Variants in SH2D7 observed in about 807,000 individuals in gnomAD.
The protein encoded by SH2D7 is SH2 domain containing 7.
A neutral mutation model predicts 40.8 loss-of-function variants in SH2D7; 32 were observed. The ratio of observed to expected loss-of-function variants is 0.78; its 90% CI spans 0.59 to 1.05. SH2D7 has a LOEUF of 1.05. Ranked by LOEUF, SH2D7 falls within the 50% of genes least tolerant of loss-of-function variation. The pLI, the probability that SH2D7 is intolerant of heterozygous loss-of-function variation, is 0.00. For synonymous variants in SH2D7, 195 were observed against 221.5 expected (o/e 0.88, Z 1.06); for missense variants, 559 against 566.6 (o/e 0.99, Z 0.14).
intron 3 of SH2D7, 37 bp from the exon 4 acceptor site, chr15:78,098,347 G>C (rs1567044013): frequency 8.7e-6 from 14 of 1,606,962 alleles, no homozygotes; most frequent in Non-Finnish European, 1.2e-5. Flanking sequence ...GGCTGGGCAT[G>C]TGTGACCACA....
intron 2 of SH2D7, among the ~76,000 whole-genome samples, chr15:78,097,001 G>A (rs1431244074): frequency 6.6e-6 from 1 of 152,052 alleles, no homozygotes; most frequent in African/African-American, 2.4e-5. Context: ...TCTATCATCA[G>A]AATAGGTACA....
intron 2 of SH2D7, among the ~76,000 whole-genome samples, chr15:78,097,197 G>T (rs919456107): frequency 5.9e-5 from 9 of 152,226 alleles, no homozygotes; most frequent in Non-Finnish European, 1.2e-4. Flanking sequence ...CGGAATGGTG[G>T]CTACCTTTAG....
chr15:78,098,451 A>G lies in SH2D7; in HGVS notation c.500A>G (p.Asn167Ser). The change falls in exon 4 of 6, where the codon AAC becomes AGC. Residue 167 changes from asparagine to serine, a missense_variant. Physicochemically the swap from Asn to Ser is conservative, Grantham distance 46 (BLOSUM62 1). Coordinates refer to ENST00000328828, the MANE Select transcript of SH2D7 (RefSeq NM_001101404.2). ...GLHQTIVDPE[N>S]PPATAFLTVV... is the part of the protein sequence containing the mutation. ...CACCAGACCATCGTGGACCCAGAAA[A>G]CCCACCTGCCACGGCATTCCTCACA... is the stretch of plus-strand genomic sequence containing the variant. 6.2e-7 allele frequency: 1 copy of G among 1,613,234 alleles called. No homozygotes were observed. Among genetic ancestry groups the G allele is most frequent in the Non-Finnish European group, 8.5e-7 (1 of 1,179,724 alleles).
At position 78,097,966 on chromosome 15, in the gene SH2D7, C is replaced by G. The variant is rs139782686; in HGVS notation, c.304C>G (p.Leu102Val). ...DRCRHFVINQ[L>V]RNRRYIISGD... ...CTGCCGACATTTTGTCATCAACCAGCTTCGAAACCGGCGTTACATCATCTC... is the reference window on the plus strand; with the variant it reads ...CTGCCGACATTTTGTCATCAACCAGGTTCGAAACCGGCGTTACATCATCTC... Residue 102 changes from leucine to valine, a missense_variant, in exon 3 of 6, where the codon CTT becomes GTT. Coordinates refer to ENST00000328828, the MANE Select transcript of SH2D7 (RefSeq NM_001101404.2). 1.2e-6 allele frequency: 2 copies of G among 1,609,464 alleles called. No individual in the cohort carries two copies. The highest frequency in any genetic ancestry group is 2.3e-5 in the East Asian group (1 of 44,420).
In SH2D7 at chr15:78,098,037, T is replaced by A; in HGVS notation, c.375T>A (p.His125Gln). 1 of 1,613,964 alleles carries A rather than the reference T, an allele frequency of 6.2e-7. No individual in the cohort carries two copies. The highest frequency in any genetic ancestry group is 1.1e-5 in the South Asian group (1 of 91,084). ...GCACCCTGGCTGAGCTTGTGCACCA[T>A]TACCAGGAGGCACAGCTCGAGCCCT... Reference protein sequence around the residue: ...SHSTLAELVHHYQEAQLEPFK... With the variant: ...SHSTLAELVHQYQEAQLEPFK... Residue 125 changes from histidine to glutamine, a missense_variant, in exon 3 of 6, where the codon CAT (histidine) becomes CAA (glutamine). By Grantham distance (24) the His-to-Gln change is conservative. Coordinates refer to ENST00000328828, the MANE Select transcript of SH2D7 (RefSeq NM_001101404.2).
In SH2D7 at chr15:78,101,463, A is replaced by G; in HGVS notation, c.1210A>G (p.Lys404Glu). ...PTYSPWVHGY[K>E]RISGTPELSE... ...ATATAGCCCATGGGTCCATGGCTAC[A>G]AGAGGATCTCAGGGACCCCAGAGCT... The change falls in exon 5 of 6, where the codon AAG becomes GAG. Residue 404 changes from lysine to glutamate, a missense_variant. Lys to Glu is a moderately conservative substitution (Grantham distance 56). Transcript: ENST00000328828. 1 of 1,613,392 alleles carries G rather than the reference A, an allele frequency of 6.2e-7. No individual in the cohort carries two copies. Among genetic ancestry groups the G allele is most frequent in the South Asian group, 1.1e-5 (1 of 90,984 alleles).
chr15:78,097,762 A>C (rs1410547568), intron 2 of SH2D7, among the ~76,000 whole-genome samples, 167 bp from the exon 3 acceptor site: 2 of 152,012 alleles, frequency 1.3e-5, no homozygotes, highest in African/African-American at 2.4e-5. Context: ...CTTCCTGATG[A>C]ACACACCATG....
chr15:78,091,848 C>T (rs372324425), upstream of SH2D7, among the ~76,000 whole-genome samples: 98 of 152,350 alleles, frequency 6.4e-4, 1 homozygote, highest in African/African-American at 2.2e-3. Context: ...TAGGTACATG[C>T]TTGGCTTCCT....
chr15:78,103,097 G>A (rs896349591), intron 5 of SH2D7, among the ~76,000 whole-genome samples: 2 of 152,012 alleles, frequency 1.3e-5, no homozygotes, highest in African/African-American at 2.4e-5. Flanking sequence ...TCCCATCTCT[G>A]TGGGCCTGGG....
chr15:78,100,937 C>T lies in SH2D7; in HGVS notation c.684C>T (p.Ser228=), dbSNP rs756100926. The change falls in exon 5 of 6, where the codon TCC becomes TCT. Residue 228 remains serine (S), a synonymous_variant. Transcript: ENST00000328828. ...TGTCTCCACTCCCTGAGAAGAGTTC[C>T]TCCCTCCTGGAAGAGTCTTTTGGAG... The part of the protein sequence containing the change: ...IRVSPLPEKS[S]SLLEESFGGP... 6.2e-7 allele frequency: 1 copy of T among 1,613,882 alleles called. No individual in the cohort carries two copies. The highest frequency in any genetic ancestry group is 8.5e-7 in the Non-Finnish European group (1 of 1,179,888).
At chr15:78,098,157 A>C (rs570021615) in intron 3 of SH2D7, 63 bp downstream of exon 3, 1 of 1,510,292 alleles carries the variant, frequency 6.6e-7, no homozygotes, top group East Asian at 2.4e-5. Context: ...TGGGGTATCC[A>C]TCACTCAGAC....
Position 78,092,762 on chromosome 15 carries a change from T to G in SH2D7, c.176+2T>G. On this transcript the variant is annotated splice_donor_variant, in intron 1 of 5. Coordinates refer to ENST00000328828, the MANE Select transcript of SH2D7 (RefSeq NM_001101404.2). LOFTEE classifies it high-confidence loss of function. ...GTTTCATGGATTCATCACCCGCAAG[T>G]AAGGCTGCTTCTACCCACAGGTCCC... The G allele has an allele frequency of 1.2e-6, 2 of 1,605,430 alleles. No homozygotes were observed. The highest frequency in any genetic ancestry group is 1.7e-6 in the Non-Finnish European group (2 of 1,174,782).
intron 5 of SH2D7, 74 bp downstream of exon 5, chr15:78,101,632 C>A: frequency 1.4e-6 from 2 of 1,470,778 alleles, no homozygotes; most frequent in Non-Finnish European, 1.8e-6. Flanking sequence ...ACCTGAAGCC[C>A]CCAGGCATAG....
upstream of SH2D7, among the ~76,000 whole-genome samples, chr15:78,092,066 T>C (rs2073943372): frequency 6.6e-6 from 1 of 152,276 alleles, no homozygotes; most frequent in Non-Finnish European, 1.5e-5. Flanking sequence ...ATTCACTGCT[T>C]TATTCCCAGG....
In SH2D7 at chr15:78,103,349, G is replaced by A. The variant is rs116003954; in HGVS notation, c.1306-116G>A. 1.3e-3 allele frequency: 1,583 copies of A among 1,173,642 alleles called. 13 individuals are homozygous for A. In the African/African-American group the frequency reaches 0.02, roughly 15 times the overall value. 72.7% of individuals were successfully genotyped at this position (1,173,642 alleles called of 1,614,324 possible). ...AATCAACTATCAGAATTCCAACCTG[G>A]CCTCATGTCCTAGGCTTGGGCCCCC... On this transcript the variant is annotated intron_variant, in intron 5 of 5. Transcript: ENST00000328828.
intron 2 of SH2D7, 73 bp from the exon 3 acceptor site, chr15:78,097,856 A>T (rs1311975704): frequency 6.4e-7 from 1 of 1,557,996 alleles, no homozygotes; most frequent in Admixed American, 1.9e-5. Flanking sequence ...ACCCAGGCAC[A>T]GAGCTCAGAC....
At chr15:78,103,429 C>G in intron 5 of SH2D7, 36 bp from the exon 6 acceptor site, 1 of 1,551,120 alleles carries the variant, frequency 6.4e-7, no homozygotes, top group Non-Finnish European at 8.7e-7. Flanking sequence ...CCCTGTCCAG[C>G]GACCCCAGGC....
At position 78,103,573 on chromosome 15, in the gene SH2D7, G is replaced by T; in HGVS notation, c.*58G>T. 1 of 1,542,728 alleles carries T rather than the reference G, an allele frequency of 6.5e-7. No homozygotes were observed. Among genetic ancestry groups the T allele is most frequent in the Non-Finnish European group, 8.8e-7 (1 of 1,139,600 alleles). On this transcript the variant is annotated 3_prime_UTR_variant, in exon 6 of 6. Coordinates refer to ENST00000328828, the MANE Select transcript of SH2D7 (RefSeq NM_001101404.2). Reference sequence around the variant, plus strand: ...TCCTGGTACCCAGGCCATGCCAGGGGTTATCGCAAAGGCCTCAGCTCACTT... The same window carrying T: ...TCCTGGTACCCAGGCCATGCCAGGGTTTATCGCAAAGGCCTCAGCTCACTT...
upstream of SH2D7, among the ~76,000 whole-genome samples, chr15:78,090,623 C>CCAT (rs59098608): frequency 0.12 from 17,415 of 146,340 alleles, 1,078 homozygotes; most frequent in Admixed American, 0.19. Flanking sequence ...TCTTGCATCA[C>CCAT]CATCATCATC....
Sources: allele counts gnomAD v4.1 joint callset (sites outside exome capture counted in the v4.1 genomes callset), GRCh38; gene constraint gnomAD v4.1.1; transcripts MANE v1.5; gene names NCBI Gene and HGNC (gene_info 2026-07-23, HGNC 2026-07-21).